Variants in CFAP144 observed in about 807,000 individuals in gnomAD.
The protein encoded by CFAP144 is cilia- and flagella-associated protein 144.
the CFAP144 span, chr1:43,145,269 TG>T: frequency 1.9e-6 from 3 of 1,549,972 alleles, no homozygotes; most frequent in Non-Finnish European, 2.6e-6. Context: ...GAGTGAAGAG[TG>T]GAACACATCT....
chr1:43,148,040 C>A, the CFAP144 span: 1 of 1,613,984 alleles, frequency 6.2e-7, no homozygotes, highest in Non-Finnish European at 8.5e-7. Context: ...GAGCTACGAA[C>A]CCAGAAACTC....
chr1:43,150,858 C>T, the CFAP144 span: 1 of 1,554,510 alleles, frequency 6.4e-7, no homozygotes, highest in Non-Finnish European at 8.8e-7. Flanking sequence ...GAGATAGAGC[C>T]CAGAGAGGCA....
chr1:43,145,357 G>C, the CFAP144 span: 2 of 1,277,032 alleles, frequency 1.6e-6, no homozygotes, highest in Non-Finnish European at 2.2e-6. Flanking sequence ...ATCACACATA[G>C]GGCACAAGGT....
the CFAP144 span, among the ~76,000 whole-genome samples, chr1:43,151,021 T>A: frequency 0.013 from 2,045 of 152,228 alleles, 20 homozygotes; most frequent in Non-Finnish European, 0.02. Context: ...AAAATAAAAA[T>A]TTTTTTAAAT....
At chr1:43,154,893 A>T in the CFAP144 span, among the ~76,000 whole-genome samples, 1 of 152,184 alleles carries the variant, frequency 6.6e-6, no homozygotes, top group African/African-American at 2.4e-5. Flanking sequence ...GGATAAGGGC[A>T]GATTCTGGCT....
the CFAP144 span, among the ~76,000 whole-genome samples, chr1:43,145,496 A>G: frequency 6.6e-6 from 1 of 152,134 alleles, no homozygotes; most frequent in African/African-American, 2.4e-5. Flanking sequence ...TGTCTCCTGC[A>G]AAAAGGGGAG....
chr1:43,148,325 G>A, the CFAP144 span, among the ~76,000 whole-genome samples: 1 of 152,152 alleles, frequency 6.6e-6, no homozygotes, highest in South Asian at 2.1e-4. Context: ...AAAAAAAGTT[G>A]TAGGGCTTTT....
the CFAP144 span, chr1:43,152,637 A>G: frequency 1.9e-6 from 1 of 537,696 alleles, no homozygotes; most frequent in Non-Finnish European, 3.2e-6. Flanking sequence ...TGTCTGGCAC[A>G]GAGTTTGAGC....
chr1:43,150,995 G>A, the CFAP144 span, among the ~76,000 whole-genome samples: 1 of 151,878 alleles, frequency 6.6e-6, no homozygotes, highest in African/African-American at 2.4e-5. Context: ...GACAGTCTGT[G>A]GTAGATAGAA....
the CFAP144 span, among the ~76,000 whole-genome samples, chr1:43,144,929 G>C: frequency 1.3e-5 from 2 of 152,182 alleles, no homozygotes; most frequent in Non-Finnish European, 2.9e-5. Context: ...AGAATTGCCA[G>C]GACTGTGGAT....
At chr1:43,145,312 T>C in the CFAP144 span, 69 of 1,545,270 alleles carry the variant, frequency 4.5e-5, no homozygotes, top group Middle Eastern at 1.7e-4. Flanking sequence ...GTCTTGTCGA[T>C]CTGCCCTGCA....
At chr1:43,144,913 C>T in the CFAP144 span, among the ~76,000 whole-genome samples, 3 of 152,314 alleles carry the variant, frequency 2.0e-5, no homozygotes, top group South Asian at 6.2e-4. Context: ...AGTTCTGGGG[C>T]AGTTCAGAAT....
the CFAP144 span, chr1:43,153,030 A>G: frequency 6.9e-7 from 1 of 1,452,124 alleles, no homozygotes; most frequent in Non-Finnish European, 9.4e-7. Context: ...CCTGGGCTTG[A>G]ACCTGGCTAC....
At chr1:43,154,810 G>A in the CFAP144 span, among the ~76,000 whole-genome samples, 1 of 152,168 alleles carries the variant, frequency 6.6e-6, no homozygotes, top group East Asian at 1.9e-4. Flanking sequence ...ATTACAGCAT[G>A]GGCAAGTGCG....
the CFAP144 span, among the ~76,000 whole-genome samples, chr1:43,146,352 A>G: frequency 6.6e-6 from 1 of 152,232 alleles, no homozygotes; most frequent in African/African-American, 2.4e-5. Context: ...CTCTTAATGC[A>G]GATACTAGAA....
the CFAP144 span, among the ~76,000 whole-genome samples, chr1:43,149,502 T>C: frequency 0.12 from 17,525 of 152,264 alleles, 1,428 homozygotes; most frequent in East Asian, 0.29. Flanking sequence ...CCTGGCTCTA[T>C]AGAGAAAATG....
the CFAP144 span, chr1:43,148,061 A>T: frequency 6.2e-7 from 1 of 1,613,666 alleles, no homozygotes; most frequent in South Asian, 1.1e-5. Context: ...TACACGCAGT[A>T]TCACGTGAAT....
the CFAP144 span, among the ~76,000 whole-genome samples, chr1:43,154,336 C>T: frequency 7.3e-6 from 1 of 137,506 alleles, no homozygotes; most frequent in East Asian, 2.1e-4. Context: ...ATATATATCC[C>T]CTCTTTTTAT....
At chr1:43,152,874 G>T in the CFAP144 span, 1 of 1,613,516 alleles carries the variant, frequency 6.2e-7, no homozygotes, top group Non-Finnish European at 8.5e-7. Context: ...GACCAAGGAA[G>T]AAGTACCCAG....
Sources: allele counts gnomAD v4.1 joint callset (sites outside exome capture counted in the v4.1 genomes callset), GRCh38; gene constraint gnomAD v4.1.1; transcripts MANE v1.5; gene names NCBI Gene and HGNC (gene_info 2026-07-23, HGNC 2026-07-21).